SCARA3: variants seen among roughly 807,000 people sequenced by gnomAD.
SCARA3 encodes the protein scavenger receptor class A member 3, also known as cellular stress response gene protein.
A neutral mutation model predicts 47.0 loss-of-function variants in SCARA3; 39 were observed. The observed-to-expected ratio is 0.83, with a 90% confidence interval of 0.64 to 1.08. The LOEUF (loss-of-function observed/expected upper bound fraction) is 1.08, where lower values mean the gene tolerates loss of function less well. SCARA3 is among the 50% of genes least tolerant of loss of function. The pLI is 0.00. For missense variants in SCARA3, 724 were observed against 792.3 expected (o/e 0.91, Z 1.04); for synonymous variants, 356 against 334.1 (o/e 1.07, Z -0.71).
the SCARA3 span, among the ~76,000 whole-genome samples, chr8:27,731,445 C>T: frequency 1.5e-3 from 232 of 151,650 alleles, 2 homozygotes; most frequent in Admixed American, 2.7e-3. Context: ...GTCAGGAGTT[C>T]GAGACCAGCC....
At chr8:27,656,673 G>C in intron 3 of SCARA3, 109 bp from the exon 4 acceptor site, 1 of 732,014 alleles carries the variant, frequency 1.4e-6, no homozygotes, top group South Asian at 1.6e-5. Context: ...GAGAAGAAGG[G>C]TGAAAGGTTT....
In SCARA3 at chr8:27,672,294, A is replaced by G; in HGVS notation, c.*943A>G. ...TCAGGAGCAGCCTGGAAGGAATCCA[A>G]GCAGGAGTTTCATCTGCATGGGGGC... is the stretch of plus-strand genomic sequence containing the variant. On this transcript the variant is annotated 3_prime_UTR_variant, in exon 6 of 6. Coordinates refer to ENST00000301904, the MANE Select transcript of SCARA3 (RefSeq NM_016240.3). 1 of 985,450 alleles carries G rather than the reference A, an allele frequency of 1.0e-6. No homozygotes were observed. The highest frequency in any genetic ancestry group is 1.2e-6 in the Non-Finnish European group (1 of 829,960). 61.0% of individuals were successfully genotyped at this position (985,450 alleles called of 1,614,324 possible).
At chr8:27,704,061 G>T in the SCARA3 span, among the ~76,000 whole-genome samples, 4 of 151,812 alleles carry the variant, frequency 2.6e-5, no homozygotes, top group African/African-American at 9.7e-5. Context: ...AAGGAAGGGA[G>T]AAAGGGGAAA....
chr8:27,644,181 T>C (rs1482601296), intron 1 of SCARA3, among the ~76,000 whole-genome samples: 1 of 152,224 alleles, frequency 6.6e-6, no homozygotes, highest in Admixed American at 6.5e-5. Context: ...AAATTTCTAG[T>C]GGTCACCACT....
At chr8:27,688,606 G>C in the SCARA3 span, among the ~76,000 whole-genome samples, 2 of 152,292 alleles carry the variant, frequency 1.3e-5, no homozygotes, top group African/African-American at 4.8e-5. Context: ...TGAGGTGAGA[G>C]GATTGCTTGA....
At chr8:27,684,801 G>A in the SCARA3 span, among the ~76,000 whole-genome samples, 2 of 152,138 alleles carry the variant, frequency 1.3e-5, no homozygotes, top group Non-Finnish European at 2.9e-5. Context: ...GAAGCAGGAG[G>A]ATCTGCTTAA....
the SCARA3 span, chr8:27,703,844 C>CTTTTTTTTTT: frequency 9.2e-4 from 50 of 54,542 alleles, 7 homozygotes; most frequent in African/African-American, 2.0e-3. Context: ...GTGCTTTCTA[C>CTTTTTTTTTT]TTTTTTTTTT....
Position 27,672,084 on chromosome 8 carries a change from G to A in SCARA3, c.*733G>A, listed in dbSNP as rs1346403700. 3.0e-6 allele frequency: 3 copies of A among 985,330 alleles called. No individual in the cohort carries two copies. The highest frequency in any genetic ancestry group is 2.4e-6 in the Non-Finnish European group (2 of 829,962). 61.0% of individuals were successfully genotyped at this position (985,330 alleles called of 1,614,324 possible). ...AAACTCCAGAGGCAAAGTGGACCTG[G>A]CAACCACAAGACCCTCCCCATAAGC... On this transcript the variant is annotated 3_prime_UTR_variant, in exon 6 of 6. Coordinates refer to ENST00000301904, the MANE Select transcript of SCARA3 (RefSeq NM_016240.3).
At chr8:27,655,483 G>A (rs1452016486) in intron 3 of SCARA3, among the ~76,000 whole-genome samples, 1 of 152,130 alleles carries the variant, frequency 6.6e-6, no homozygotes, top group African/African-American at 2.4e-5. Context: ...TGGCCAACAT[G>A]GCCCCCTTAG....
At chr8:27,636,242 A>G (rs569052170) in intron 1 of SCARA3, among the ~76,000 whole-genome samples, 2 of 152,298 alleles carry the variant, frequency 1.3e-5, no homozygotes, top group South Asian at 4.1e-4. Flanking sequence ...TGGTGGTGAG[A>G]TGTTTCACAT....
the SCARA3 span, chr8:27,733,855 A>G: frequency 1.2e-3 from 180 of 152,300 alleles, no homozygotes; most frequent in African/African-American, 4.2e-3. Context: ...TTCCCCTCTC[A>G]GACAGATGCA....
chr8:27,668,065 G>A (rs1361631027), intron 5 of SCARA3, among the ~76,000 whole-genome samples: 5 of 152,274 alleles, frequency 3.3e-5, no homozygotes, highest in Non-Finnish European at 5.9e-5. Context: ...GCAGCTCCTG[G>A]GCAATGAAGG....
chr8:27,712,289 C>T, the SCARA3 span, among the ~76,000 whole-genome samples: 1 of 152,084 alleles, frequency 6.6e-6, no homozygotes, highest in African/African-American at 2.4e-5. Context: ...TGTGGCCGGG[C>T]GCGGTGGCTC....
Sources: allele counts gnomAD v4.1 joint callset (sites outside exome capture counted in the v4.1 genomes callset), GRCh38; gene constraint gnomAD v4.1.1; transcripts MANE v1.5; gene names NCBI Gene and HGNC (gene_info 2026-07-23, HGNC 2026-07-21).